Variants in COG3 observed in about 807,000 individuals in gnomAD.
COG3 encodes conserved oligomeric Golgi complex subunit 3.
In COG3, 32 loss-of-function variants were observed where a neutral mutation model predicts 114.1. The ratio of observed to expected loss-of-function variants is 0.28; its 90% confidence interval spans 0.21 to 0.38. The LOEUF (loss-of-function observed/expected upper bound fraction) is 0.38, where lower values mean the gene tolerates loss of function less well. COG3 is among the 10% of genes least tolerant of loss of function. The pLI is 1.00. For synonymous variants in COG3, 352 were observed against 365.7 expected (o/e 0.96, Z 0.43); for missense variants, 813 against 973.2 (o/e 0.84, Z 2.19).
Position 45,483,305 on chromosome 13 carries a change from A to G in COG3, c.793A>G (p.Thr265Ala). 1 of 1,601,212 alleles carries G rather than the reference A, an allele frequency of 6.2e-7. No homozygotes were observed. Among genetic ancestry groups the G allele is most frequent in the Non-Finnish European group, 8.6e-7 (1 of 1,168,742 alleles). ...CLSKALHLMKTYTVNTLQTLT... is the reference protein window; with the variant it reads ...CLSKALHLMKAYTVNTLQTLT... ...TTCTAAAGCTTTGCACCTCATGAAG[A>G]CATATACTGTGAACACACTACAGAC... Residue 265 changes from threonine to alanine, a missense_variant, in exon 7 of 23, where the codon ACA (threonine) becomes GCA (alanine). Thr to Ala is a moderately conservative substitution (Grantham distance 58). Transcript: ENST00000349995.
At chr13:45,519,177 C>T in intron 19 of COG3, 83 bp downstream of exon 19, 4 of 1,468,988 alleles carry the variant, frequency 2.7e-6, no homozygotes, top group Admixed American at 1.8e-5. Context: ...TGTGTAAACT[C>T]TGGCAGAAGG....
chr13:45,495,294 G>A (rs1361724701), intron 12 of COG3, among the ~76,000 whole-genome samples: 2 of 151,634 alleles, frequency 1.3e-5, no homozygotes, highest in African/African-American at 4.8e-5. Context: ...CGCCTAATGT[G>A]ATTATGTGTT....
chr13:45,516,724 G>A (rs989652755), intron 17 of COG3, among the ~76,000 whole-genome samples: 8 of 152,164 alleles, frequency 5.3e-5, no homozygotes, highest in Non-Finnish European at 1.0e-4. Flanking sequence ...CCCGGCCTTT[G>A]TGTGATCTTG....
At position 45,476,352 on chromosome 13, in the gene COG3, A is replaced by G; in HGVS notation, c.321+5A>G. Reference sequence around the variant, plus strand: ...AGAATTGAAACCGCACAGCAGGTGAATTGCAGTATCTTTTCTAAGGATGTT... The same window carrying G: ...AGAATTGAAACCGCACAGCAGGTGAGTTGCAGTATCTTTTCTAAGGATGTT... On this transcript the variant is annotated splice_donor_5th_base_variant and intron_variant, in intron 2 of 22. Transcript: ENST00000349995. The G allele has an allele frequency of 1.2e-6, 2 of 1,612,920 alleles. No individual in the cohort carries two copies. The highest frequency in any genetic ancestry group is 2.2e-5 in the East Asian group (1 of 44,844).
rs1886645211 is a variant in COG3, at chr13:45,486,302, GAC to G, written c.844-192_844-191del. Among the ~76,000 whole-genome samples the G allele has an allele frequency of 3.0e-5, 2 of 66,880 alleles. 1 individual carries two copies. The highest frequency in any genetic ancestry group is 1.8e-4 in the African/African-American group (2 of 11,350). 43.9% of individuals were successfully genotyped at this position (66,880 alleles called of 152,430 possible). On this transcript the variant is annotated intron_variant, in intron 7 of 22. Transcript: ENST00000349995. ...AGAGGGAGACCATCGGGAGACGGGAGACGGGAGACGGGAGACGGGAGACGGGA... is the reference window on the plus strand; with the variant it reads ...AGAGGGAGACCATCGGGAGACGGGAGGGGAGACGGGAGACGGGAGACGGGA...
At chr13:45,500,218 T>C (rs987174599) in intron 13 of COG3, among the ~76,000 whole-genome samples, 1 of 152,044 alleles carries the variant, frequency 6.6e-6, no homozygotes, top group Non-Finnish European at 1.5e-5. Context: ...AGTCATCATG[T>C]TTCTAACGTG....
intron 4 of COG3, among the ~76,000 whole-genome samples, chr13:45,480,528 G>T (rs1886185076): frequency 6.6e-6 from 1 of 152,118 alleles, no homozygotes; most frequent in Admixed American, 6.6e-5. Flanking sequence ...TCCAAATGTA[G>T]TGGCTATGTT....
At chr13:45,493,311 C>A (rs1226672201) in intron 11 of COG3, 36 bp from the exon 12 acceptor site, 1 of 1,532,350 alleles carries the variant, frequency 6.5e-7, no homozygotes, top group Non-Finnish European at 8.9e-7. Flanking sequence ...CCTGAAAAAA[C>A]TACTACTAAT....
intron 16 of COG3, among the ~76,000 whole-genome samples, chr13:45,515,892 T>A (rs545795033): frequency 2.6e-5 from 4 of 152,204 alleles, no homozygotes; most frequent in Non-Finnish European, 5.9e-5. Flanking sequence ...TTTGTAAATG[T>A]GTTGCTTTAC....
chr13:45,525,506 A>G (rs1394351378), intron 20 of COG3, among the ~76,000 whole-genome samples: 1 of 152,090 alleles, frequency 6.6e-6, no homozygotes, highest in Non-Finnish European at 1.5e-5. Flanking sequence ...GGGAAAAAAA[A>G]TTGTAAAAAT....
intron 12 of COG3, among the ~76,000 whole-genome samples, chr13:45,494,377 T>G (rs1377388378): frequency 6.6e-6 from 1 of 151,602 alleles, no homozygotes; most frequent in Non-Finnish European, 1.5e-5. Context: ...ACTCACAGAA[T>G]TTATTGTCCT....
At chr13:45,510,124 C>T (rs1870698008) in intron 15 of COG3, among the ~76,000 whole-genome samples, 1 of 150,114 alleles carries the variant, frequency 6.7e-6, no homozygotes, top group African/African-American at 2.5e-5. Context: ...TGATTAAATA[C>T]AGCAGTCATG....
At chr13:45,495,631 C>T (rs1339169474) in intron 12 of COG3, among the ~76,000 whole-genome samples, 1 of 152,024 alleles carries the variant, frequency 6.6e-6, no homozygotes, top group Non-Finnish European at 1.5e-5. Flanking sequence ...CTGCCTGCCT[C>T]AGCCTCCCAA....
chr13:45,504,847 T>C (rs1869951274), intron 14 of COG3, among the ~76,000 whole-genome samples: 1 of 152,194 alleles, frequency 6.6e-6, no homozygotes, highest in Non-Finnish European at 1.5e-5. Flanking sequence ...TGTGCCATAA[T>C]TGTGTAAGAT....
At position 45,509,840 on chromosome 13, in the gene COG3, T is replaced by C. The variant is rs1263241866; in HGVS notation, c.1719+24T>C. 3.2e-6 allele frequency: 5 copies of C among 1,550,092 alleles called. No individual in the cohort carries two copies. In the East Asian group the frequency reaches 9.1e-5, roughly 28 times the overall value. On this transcript the variant is annotated intron_variant, in intron 15 of 22. Transcript: ENST00000349995. ...ATGTACGTGTATCTTTACTGTGAAT[T>C]GCTCGTTCTTTCACTTGAAATATTT...
chr13:45,521,858 A>G (rs953587784), intron 19 of COG3, among the ~76,000 whole-genome samples: 4 of 139,736 alleles, frequency 2.9e-5, no homozygotes, highest in African/African-American at 1.1e-4. Context: ...GCTGGAGTGC[A>G]GTGGCACGAT....
At chr13:45,469,667 T>C (rs1433728680) in intron 1 of COG3, among the ~76,000 whole-genome samples, 2 of 152,162 alleles carry the variant, frequency 1.3e-5, no homozygotes, top group Non-Finnish European at 2.9e-5. Context: ...GGACCTAAAA[T>C]TGATGAATTC....
intron 2 of COG3, 103 bp downstream of exon 2, chr13:45,476,450 T>G (rs1240846598): frequency 8.5e-7 from 1 of 1,181,136 alleles, no homozygotes; most frequent in Non-Finnish European, 1.2e-6. Flanking sequence ...GTCACCATAA[T>G]TAACATTAAG....
chr13:45,527,184 A>T (rs1304921706), intron 20 of COG3, among the ~76,000 whole-genome samples: 1 of 152,194 alleles, frequency 6.6e-6, no homozygotes, highest in African/African-American at 2.4e-5. Flanking sequence ...CCCTAATAGG[A>T]TTCAAAGTGT....
Sources: allele counts gnomAD v4.1 joint callset (sites outside exome capture counted in the v4.1 genomes callset), GRCh38; gene constraint gnomAD v4.1.1; transcripts MANE v1.5; gene names NCBI Gene and HGNC (gene_info 2026-07-23, HGNC 2026-07-21).